CA5B: variants seen among roughly 807,000 people sequenced by gnomAD.
CA5B encodes the protein carbonic anhydrase 5B.
In CA5B, 15 loss-of-function variants were observed where a neutral mutation model predicts 23.1. The observed-to-expected ratio is 0.65, with a 90% CI of 0.43 to 1.00. CA5B has a LOEUF of 1.00. Among genes scored for constraint, CA5B ranks in the 50% least tolerant of loss-of-function variants. CA5B has a pLI of 0.00. For synonymous variants in CA5B, 84 were observed against 98.5 expected, an observed-to-expected ratio of 0.85 and a Z score of 0.87; for missense variants, 236 against 252.2, an observed-to-expected ratio of 0.94 and a Z score of 0.43.
intron 2 of CA5B, among the ~76,000 whole-genome samples, chrX:15,763,434 C>G (rs1931644110): frequency 8.9e-6 from 1 of 112,334 alleles, no homozygotes; most frequent in African/African-American, 3.2e-5. Context: ...CACATGGCAC[C>G]AAACTCCATG....
In CA5B at chrX:15,756,458, T is replaced by C. The variant is rs1292854063; in HGVS notation, c.142+6293T>C. On this transcript the variant is annotated intron_variant, in intron 2 of 7. Transcript: ENST00000318636. Reference sequence around the variant, plus strand: ...AAGCAAACACAGATTACCTGAGGAATGGTTGGATGCTAAATGGTATGAAAG... The same window carrying C: ...AAGCAAACACAGATTACCTGAGGAACGGTTGGATGCTAAATGGTATGAAAG... Among the ~76,000 whole-genome samples, 11 of 112,630 alleles carry C rather than the reference T, an allele frequency of 9.8e-5. No homozygotes were observed. In the Admixed American group the frequency reaches 1.0e-3, roughly 11 times the overall value.
chrX:15,742,211 T>TA (rs1457219944), intron 1 of CA5B, among the ~76,000 whole-genome samples: 2 of 112,556 alleles, frequency 1.8e-5, no homozygotes, highest in South Asian at 3.6e-4. Context: ...AACCACTTCT[T>TA]ACCACCTCCA....
At chrX:15,780,856 A>G (rs779556234) in intron 7 of CA5B, among the ~76,000 whole-genome samples, 2 of 112,344 alleles carry the variant, frequency 1.8e-5, no homozygotes, top group African/African-American at 6.5e-5. Context: ...TTTGTTGCAA[A>G]TGACTCTTCG....
chrX:15,780,606 G>T (rs1932005302), intron 7 of CA5B, among the ~76,000 whole-genome samples: 3 of 111,993 alleles, frequency 2.7e-5, no homozygotes, highest in South Asian at 7.3e-4. Flanking sequence ...AACATCTTCA[G>T]TATTATTTTT....
chrX:15,780,942 TG>T (rs1293926268), intron 7 of CA5B, among the ~76,000 whole-genome samples: 1 of 111,582 alleles, frequency 9.0e-6, no homozygotes, highest in African/African-American at 3.3e-5. Flanking sequence ...GAAATGTGAA[TG>T]GATTTTCCTG....
chrX:15,740,761 A>G (rs1207493502), intron 1 of CA5B, among the ~76,000 whole-genome samples: 1 of 112,459 alleles, frequency 8.9e-6, no homozygotes, highest in Non-Finnish European at 1.9e-5. Context: ...CCTTAAATCC[A>G]ATATGATTAG....
chrX:15,757,528 C>T (rs1360498587), intron 2 of CA5B, among the ~76,000 whole-genome samples: 1 of 107,679 alleles, frequency 9.3e-6, no homozygotes, highest in Non-Finnish European at 1.9e-5. Context: ...AACAAACAAG[C>T]AACAACAACA....
Position 15,788,050 on chromosome X carries a change from T to C in CA5B, c.*5386T>C, listed in dbSNP as rs1420474348. ...ATTCTGATCACAGGGACCAGCAAAA[T>C]TGGTGAGTTGCATAGCTACAACATT... On this transcript the variant is annotated 3_prime_UTR_variant, in exon 8 of 8. Transcript: ENST00000318636. 8.9e-6 allele frequency: 1 copy of C among 112,328 alleles called. No homozygotes were observed. The highest frequency in any genetic ancestry group is 2.8e-4 in the East Asian group (1 of 3,608). 9.3% of individuals were successfully genotyped at this position (112,328 alleles called of 1,213,427 possible). A position where few individuals can be genotyped will look rare whatever the true frequency, so the allele number is the denominator to read the frequency against.
chrX:15,782,452 G>T (rs1264808799), intron 7 of CA5B, 33 bp from the exon 8 acceptor site: 2 of 1,166,800 alleles, frequency 1.7e-6, no homozygotes, highest in South Asian at 3.7e-5. Context: ...GTTTTCTGTT[G>T]AAATTATTTA....
chrX:15,752,764 T>G (rs1931401491), intron 2 of CA5B, among the ~76,000 whole-genome samples: 1 of 111,225 alleles, frequency 9.0e-6, no homozygotes, highest in Non-Finnish European at 1.9e-5. Context: ...CTAGATCTTT[T>G]TTTTCCAGAC....
At chrX:15,762,769 T>C (rs1337224694) in intron 2 of CA5B, 1 of 350,313 alleles carries the variant, frequency 2.9e-6, no homozygotes, top group East Asian at 8.6e-5. Context: ...ATTTCCTTCA[T>C]GTTTCTCCTA....
At chrX:15,753,352 A>C (rs947699279) in intron 2 of CA5B, among the ~76,000 whole-genome samples, 2 of 112,867 alleles carry the variant, frequency 1.8e-5, no homozygotes. Flanking sequence ...TTGCCTAAAG[A>C]GTTGAAGTCA....
At chrX:15,782,225 A>G (rs1932036828) in intron 7 of CA5B, among the ~76,000 whole-genome samples, 1 of 112,127 alleles carries the variant, frequency 8.9e-6, no homozygotes, top group African/African-American at 3.2e-5. Flanking sequence ...CTTTGCCCCA[A>G]GTCTTTGGAT....
intron 3 of CA5B, among the ~76,000 whole-genome samples, chrX:15,770,899 C>G (rs1241845306): frequency 9.1e-6 from 1 of 109,928 alleles, no homozygotes; most frequent in Admixed American, 9.7e-5. Context: ...TCCCGAGGAG[C>G]TGGGACTACA....
chrX:15,754,810 G>C (rs1054970399), intron 2 of CA5B, among the ~76,000 whole-genome samples: 1 of 112,214 alleles, frequency 8.9e-6, no homozygotes, highest in Non-Finnish European at 1.9e-5. Flanking sequence ...GATGATCTCC[G>C]TACTTGTAGA....
At chrX:15,746,698 G>T (rs1052015561) in intron 1 of CA5B, among the ~76,000 whole-genome samples, 1 of 111,351 alleles carries the variant, frequency 9.0e-6, no homozygotes, top group South Asian at 3.8e-4. Flanking sequence ...ATAATTTCGC[G>T]GGTAAGGGCT....
chrX:15,784,677 C>G lies in CA5B; in HGVS notation c.*2013C>G, dbSNP rs5980189. 0.37 allele frequency: 40,597 copies of G among 110,794 alleles called. 6,432 individuals carry two copies. Among genetic ancestry groups the G allele is most frequent in the Non-Finnish European group, 0.5 (26,583 of 52,821 alleles). 9.1% of individuals were successfully genotyped at this position (110,794 alleles called of 1,213,427 possible). A position where few individuals can be genotyped will look rare whatever the true frequency, so the allele number is the denominator to read the frequency against. On this transcript the variant is annotated 3_prime_UTR_variant, in exon 8 of 8. Coordinates refer to ENST00000318636, the MANE Select transcript of CA5B (RefSeq NM_007220.4). ...ACTACTGAACTGTACACTTAAAGAT[C>G]GTTAGGAAGGAAACGGGACTACATC... is the stretch of plus-strand genomic sequence containing the variant.
chrX:15,753,227 C>T (rs763823486), intron 2 of CA5B, among the ~76,000 whole-genome samples: 59 of 112,531 alleles, frequency 5.2e-4, no homozygotes, highest in Non-Finnish European at 2.3e-4. Context: ...CGACTCTTTT[C>T]GACAACACTT....
Position 15,772,581 on chromosome X carries a change from G to C in CA5B, c.426G>C (p.Glu142Asp). The C allele has an allele frequency of 8.3e-7, 1 of 1,200,988 alleles. No homozygotes were observed. The highest frequency in any genetic ancestry group is 1.1e-6 in the Non-Finnish European group (1 of 886,367). The change falls in exon 4 of 8, where the codon GAG (glutamate) becomes GAC (aspartate). Residue 142 changes from glutamate (E) to aspartate (D), a missense_variant. This residue lies in a region of CA5B where 170 missense variants were observed against 162.0 expected (regional missense o/e 1.05). Coordinates refer to ENST00000318636, the MANE Select transcript of CA5B (RefSeq NM_007220.4). ...GGGCCATCGATGCCTGGGGTTCTGAGCACACCGTGGACAGCAAATGCTTCC... is the reference window on the plus strand; with the variant it reads ...GGGCCATCGATGCCTGGGGTTCTGACCACACCGTGGACAGCAAATGCTTCC... Reference protein sequence around the residue: ...HWGAIDAWGSEHTVDSKCFPA... With the variant: ...HWGAIDAWGSDHTVDSKCFPA...
Sources: allele counts gnomAD v4.1 joint callset (sites outside exome capture counted in the v4.1 genomes callset), GRCh38; gene constraint gnomAD v4.1.1; regional missense constraint gnomAD v4.1.1; transcripts MANE v1.5; gene names NCBI Gene and HGNC (gene_info 2026-07-23, HGNC 2026-07-21).